The following TRANK1 variants were observed in gnomAD, a reference collection of about 807,000 sequenced individuals.
TRANK1 encodes TPR and ankyrin repeat-containing protein 1.
A neutral mutation model predicts 266.0 loss-of-function variants in TRANK1; 198 were observed. That is an observed-to-expected ratio of 0.74 (90% CI 0.66 to 0.84). The LOEUF is 0.84. Among genes scored for constraint, TRANK1 ranks in the 40% least tolerant of loss-of-function variants. TRANK1 has a pLI of 0.00. For missense variants in TRANK1, 3,326 were observed against 3,634.6 expected (o/e 0.92, Z 2.18); for synonymous variants, 1,396 against 1,384.1 (o/e 1.01, Z -0.19).
intron 2 of TRANK1, among the ~76,000 whole-genome samples, chr3:36,906,034 AC>A (rs1302327963): frequency 3.9e-5 from 6 of 152,210 alleles, no homozygotes; most frequent in African/African-American, 1.4e-4. Context: ...CTTTGAACAC[AC>A]ATAGTGTGGG....
intron 12 of TRANK1, 97 bp downstream of exon 12, chr3:36,858,621 C>A: frequency 7.5e-7 from 1 of 1,341,116 alleles, no homozygotes. Context: ...TTTCAGATCA[C>A]TGGTTTACAC....
intron 8 of TRANK1, among the ~76,000 whole-genome samples, chr3:36,878,752 C>G (rs934144240): frequency 3.3e-5 from 5 of 150,272 alleles, no homozygotes; most frequent in African/African-American, 4.9e-5. Flanking sequence ...AAAAGTACCC[C>G]CCCCGAACCT....
chr3:36,878,683 T>C (rs1438500632), intron 8 of TRANK1, among the ~76,000 whole-genome samples: 1 of 150,996 alleles, frequency 6.6e-6, no homozygotes, highest in Non-Finnish European at 1.5e-5. Context: ...ACCCAGGTGA[T>C]GAAATGATCT....
chr3:36,857,648 C>A lies in TRANK1; in HGVS notation c.2074G>T (p.Ala692Ser). 1 of 1,613,998 alleles carries A rather than the reference C, an allele frequency of 6.2e-7. No homozygotes were observed. The highest frequency in any genetic ancestry group is 1.1e-5 in the South Asian group (1 of 91,078). Residue 692 changes from alanine (A) to serine (S), a missense_variant, in exon 13 of 24, where the codon GCC (alanine) becomes TCC (serine). Transcript: ENST00000645898. The surrounding 1 kb of genome is among the most constrained non-coding windows in gnomAD (Gnocchi z 4.3). ...QGSFKSVPCGATARTLPEGSA... is the reference protein window; with the variant it reads ...QGSFKSVPCGSTARTLPEGSA... ...CCTTCAGGCAGTGTTCTGGCAGTGG[C>A]ACCACATGGCACTGACTTGAATGAA...
chr3:36,838,307 T>C, intron 20 of TRANK1, 65 bp downstream of exon 20: 1 of 1,593,426 alleles, frequency 6.3e-7, no homozygotes, highest in Non-Finnish European at 8.5e-7. Flanking sequence ...AGGTCGAGCC[T>C]ACCCCTCAAT....
intron 4 of TRANK1, among the ~76,000 whole-genome samples, chr3:36,898,106 A>G (rs566835933): frequency 9.2e-5 from 14 of 152,332 alleles, no homozygotes; most frequent in African/African-American, 3.1e-4. Context: ...CTTCCAGGTT[A>G]TCTTCATAGC....
Position 36,857,213 on chromosome 3 carries a change from C to A in TRANK1, c.2509G>T (p.Glu837Ter). The A allele has an allele frequency of 6.2e-7, 1 of 1,613,874 alleles. No homozygotes were observed. Residue 837 changes from glutamate to a stop codon, truncating the protein, a stop_gained, in exon 13 of 24, where the codon GAG becomes TAG. Coordinates refer to ENST00000645898, the MANE Select transcript of TRANK1 (RefSeq NM_001329998.2). LOFTEE classifies it high-confidence loss of function. The surrounding 1 kb of genome is among the most constrained non-coding windows in gnomAD (Gnocchi z 4.3). ...TTCTTCAGCATTTCTGAAGTGCACT[C>A]GATCTCCCAGGTCATGTTATCGAAG... ...QDFDNMTWEI[E>*]CTSEMLKKLS...
At chr3:36,939,560 C>T (rs1473971294) in intron 1 of TRANK1, among the ~76,000 whole-genome samples, 1 of 152,156 alleles carries the variant, frequency 6.6e-6, no homozygotes, top group African/African-American at 2.4e-5. Flanking sequence ...ATTTCTAGGC[C>T]TCAGTTTCCT....
intron 2 of TRANK1, among the ~76,000 whole-genome samples, chr3:36,904,280 C>T (rs1460316150): frequency 1.3e-5 from 2 of 151,908 alleles, no homozygotes; most frequent in East Asian, 3.9e-4. Context: ...CCTGTAATCG[C>T]AGCACTTCGG....
At chr3:36,891,404 G>A (rs546099160) in intron 7 of TRANK1, among the ~76,000 whole-genome samples, 4 of 152,260 alleles carry the variant, frequency 2.6e-5, no homozygotes, top group African/African-American at 7.2e-5. Flanking sequence ...GACAAATCTG[G>A]CTAAAGCAAA....
intron 8 of TRANK1, among the ~76,000 whole-genome samples, chr3:36,875,482 C>T (rs923913775): frequency 6.6e-6 from 1 of 152,170 alleles, no homozygotes; most frequent in Non-Finnish European, 1.5e-5. Context: ...AAAAGCAGGC[C>T]CAGAACTCCA....
chr3:36,887,052 G>A (rs750705479), intron 8 of TRANK1, among the ~76,000 whole-genome samples: 8 of 151,824 alleles, frequency 5.3e-5, no homozygotes, highest in African/African-American at 9.7e-5. Context: ...GACTACAGGC[G>A]CATGCTACTA....
In TRANK1 at chr3:36,832,704, G is replaced by T; in HGVS notation, c.6879C>A (p.Leu2293=). The change falls in exon 22 of 24, where the codon CTC becomes CTA. Residue 2293 remains leucine, a synonymous_variant. Coordinates refer to ENST00000645898, the MANE Select transcript of TRANK1 (RefSeq NM_001329998.2). ...ACCGGAAGGATTTGTAATTTGGTTTGAGGATTTCTTTGCATGCCATGGGGT... is the reference window on the plus strand; with the variant it reads ...ACCGGAAGGATTTGTAATTTGGTTTTAGGATTTCTTTGCATGCCATGGGGT... ...SENPMACKEI[L]KPNYKSFRFY... 2 of 1,614,040 alleles carry T rather than the reference G, an allele frequency of 1.2e-6. No individual in the cohort carries two copies. The highest frequency in any genetic ancestry group is 1.7e-6 in the Non-Finnish European group (2 of 1,179,898).
In TRANK1 at chr3:36,903,207, C is replaced by T; in HGVS notation, c.224G>A (p.Trp75Ter). 2.0e-6 allele frequency: 3 copies of T among 1,537,340 alleles called. No individual in the cohort carries two copies. In the South Asian group the frequency reaches 3.6e-5, roughly 18 times the overall value. Residue 75 changes from tryptophan (W) to a stop codon, truncating the protein, a stop_gained, in exon 3 of 24, where the codon TGG becomes TAG. Coordinates refer to ENST00000645898, the MANE Select transcript of TRANK1 (RefSeq NM_001329998.2). LOFTEE classifies it high-confidence loss of function. The stretch of plus-strand genomic sequence containing the variant: ...CTTGGCAGCAACAAATGCCTCATTC[C>T]ACTTCCCAAGGCTGAAAAATGCATT... ...KSNAFFSLGK[W>*]NEAFVAAKEC...
chr3:36,943,287 C>T (rs2080522543), intron 1 of TRANK1, among the ~76,000 whole-genome samples: 1 of 152,086 alleles, frequency 6.6e-6, no homozygotes, highest in African/African-American at 2.4e-5. Flanking sequence ...TGCAATTTTA[C>T]ATGTGTATGT....
intron 1 of TRANK1, among the ~76,000 whole-genome samples, chr3:36,908,921 G>T (rs1315432868): frequency 6.6e-6 from 1 of 152,128 alleles, no homozygotes; most frequent in East Asian, 1.9e-4. Flanking sequence ...CCCCAGATCT[G>T]ACCAATTTCT....
At chr3:36,869,871 G>A (rs539640928) in intron 9 of TRANK1, among the ~76,000 whole-genome samples, 1 of 152,340 alleles carries the variant, frequency 6.6e-6, no homozygotes, top group African/African-American at 2.4e-5. Flanking sequence ...AGACAGAATA[G>A]GTGTAGGACA....
In TRANK1 at chr3:36,831,626, C is replaced by T. The variant is rs557718609; in HGVS notation, c.7957G>A (p.Val2653Met). Residue 2653 changes from valine to methionine, a missense_variant, in exon 22 of 24, where the codon GTG (valine) becomes ATG (methionine). By Grantham distance (21) the Val-to-Met change is conservative. Coordinates refer to ENST00000645898, the MANE Select transcript of TRANK1 (RefSeq NM_001329998.2). The surrounding 1 kb of genome is among the most constrained non-coding windows in gnomAD (Gnocchi z 5.0). ...CGGACTATGGACCCTTTGGTGTGCA[C>T]AGGGTCCCACCGCCAGTCACAGTCC... ...LMDCDWRWDP[V>M]HTKGSIVRGL... 90 of 1,613,966 alleles carry T rather than the reference C, an allele frequency of 5.6e-5. No individual in the cohort carries two copies. The highest frequency in any genetic ancestry group is 7.4e-5 in the Non-Finnish European group (87 of 1,179,856).
Position 36,858,035 on chromosome 3 carries a change from T to C in TRANK1, c.1687A>G (p.Ser563Gly). 6.4e-7 allele frequency: 1 copy of C among 1,562,502 alleles called. No homozygotes were observed. The highest frequency in any genetic ancestry group is 1.2e-5 in the South Asian group (1 of 84,986). ...FLEIKADIGF[S>G]FLSHLLDLFW... Reference sequence around the variant, plus strand: ...AGATCCAACAGATGGCTGAGGAAGCTAAAACCAATGTCAGCTGAAAGACAC... The same window carrying C: ...AGATCCAACAGATGGCTGAGGAAGCCAAAACCAATGTCAGCTGAAAGACAC... Residue 563 changes from serine to glycine, a missense_variant, in exon 13 of 24, where the codon AGC (serine) becomes GGC (glycine). Coordinates refer to ENST00000645898, the MANE Select transcript of TRANK1 (RefSeq NM_001329998.2).
Sources: gnomAD v4.1 joint callset for allele counts (sites outside exome capture counted in the v4.1 genomes callset) on GRCh38, gnomAD v4.1.1 for gene constraint, Gnocchi (gnomAD v3.1) non-coding constraint, MANE v1.5 for transcripts, NCBI Gene and HGNC (gene_info 2026-07-23, HGNC 2026-07-21) for gene names.